Variants in KLF3 observed in about 807,000 individuals in gnomAD.
KLF3 encodes the protein KLF transcription factor 3.
KLF3 carries 6 observed loss-of-function variants against 32.7 expected under a neutral mutation model. That is an observed-to-expected ratio of 0.18 (90% confidence interval 0.10 to 0.36). The LOEUF is 0.36. KLF3 is among the 10% of genes least tolerant of loss of function. The probability of loss-of-function intolerance (pLI) is 1.00; values close to 1 mark genes in which losing one functional copy is unlikely to be tolerated. For synonymous variants in KLF3, 145 were observed against 172.8 expected, an observed-to-expected ratio of 0.84 and a Z score of 1.26; for missense variants, 338 against 449.7, an observed-to-expected ratio of 0.75 and a Z score of 2.25.
Position 38,697,193 on chromosome 4 carries a change from C to G in KLF3, c.968C>G (p.Pro323Arg), listed in dbSNP as rs766351747. The change falls in exon 6 of 6, where the codon CCG (proline) becomes CGG (arginine). Residue 323 changes from proline to arginine, a missense_variant. Transcript: ENST00000261438. ...ACTGGAATCAAACCTTTCCAGTGCC[C>G]GGACTGTGACCGCAGCTTCTCCCGT... ...KHTGIKPFQC[P>R]DCDRSFSRSD... is the part of the protein sequence containing the mutation. 1.2e-6 allele frequency: 2 copies of G among 1,613,938 alleles called. No homozygotes were observed. The highest frequency in any genetic ancestry group is 1.3e-5 in the African/African-American group (1 of 74,884).
intron 3 of KLF3, 78 bp from the exon 4 acceptor site, chr4:38,689,651 A>T: frequency 1.0e-6 from 1 of 990,378 alleles, no homozygotes; most frequent in Non-Finnish European, 1.5e-6. Context: ...TGTTGTAGGT[A>T]GGAGCTATGC....
chr4:38,690,943 CATA>C lies in KLF3; in HGVS notation c.695+1065_695+1067del, dbSNP rs565810906. On this transcript the variant is annotated intron_variant, in intron 4 of 5. Coordinates refer to ENST00000261438, the MANE Select transcript of KLF3 (RefSeq NM_016531.6). ...GGATTAATTGTCCACTGCACCCAAT[CATA>C]GTCATTTTTGGTTTGGGTTGTCATA... 1.8e-3 allele frequency among the ~76,000 whole-genome samples: 268 copies of C among 152,242 alleles called. 1 individual carries two copies. The highest frequency in any genetic ancestry group is 6.2e-3 in the African/African-American group (256 of 41,534).
intron 5 of KLF3, among the ~76,000 whole-genome samples, chr4:38,696,656 G>C (rs1723053369): frequency 6.6e-6 from 1 of 152,082 alleles, no homozygotes; most frequent in Non-Finnish European, 1.5e-5. Flanking sequence ...TCATATTTTT[G>C]GAAAACTATT....
intron 1 of KLF3, among the ~76,000 whole-genome samples, chr4:38,673,730 C>T (rs1427114960): frequency 6.6e-6 from 1 of 152,066 alleles, no homozygotes; most frequent in Admixed American, 6.5e-5. Context: ...TGTCAGGCTT[C>T]TGCTTGGTTG....
At chr4:38,691,864 A>G (rs1373703345) in intron 4 of KLF3, among the ~76,000 whole-genome samples, 1 of 152,220 alleles carries the variant, frequency 6.6e-6, no homozygotes. Flanking sequence ...CCAGGAAAGA[A>G]TCACTTGAAA....
At chr4:38,681,866 G>A (rs932370150) in intron 2 of KLF3, among the ~76,000 whole-genome samples, 1 of 152,164 alleles carries the variant, frequency 6.6e-6, no homozygotes, top group African/African-American at 2.4e-5. Context: ...TACAAGACAC[G>A]GGGGTCACGC....
intron 4 of KLF3, among the ~76,000 whole-genome samples, chr4:38,693,996 G>C (rs1466104930): frequency 6.6e-6 from 1 of 152,156 alleles, no homozygotes; most frequent in Non-Finnish European, 1.5e-5. Flanking sequence ...CATGCCATGG[G>C]GGAGCCGGCA....
chr4:38,693,013 C>T (rs1334219229), intron 4 of KLF3, among the ~76,000 whole-genome samples: 2 of 149,472 alleles, frequency 1.3e-5, no homozygotes, highest in African/African-American at 4.9e-5. Flanking sequence ...AAAACTCTGT[C>T]TGTAAACCTC....
In KLF3 at chr4:38,701,165, A is replaced by G. The variant is rs755774246; in HGVS notation, c.*3902A>G. 2.0e-5 allele frequency: 3 copies of G among 152,228 alleles called. No individual in the cohort carries two copies. Among genetic ancestry groups the G allele is most frequent in the Non-Finnish European group, 2.9e-5 (2 of 68,042 alleles). The allele number at this position is 152,228 out of a possible 1,614,324, so 9.4% of individuals were successfully genotyped here. A position where few individuals can be genotyped will look rare whatever the true frequency, so the allele number is the denominator to read the frequency against. On this transcript the variant is annotated 3_prime_UTR_variant, in exon 6 of 6. Coordinates refer to ENST00000261438, the MANE Select transcript of KLF3 (RefSeq NM_016531.6). ...CAGTTATTGTTGATGGAGGGACAGA[A>G]AAATAGATCTAACTGGAAGATGAAC...
Position 38,694,762 on chromosome 4 carries a change from A to G in KLF3, c.712A>G (p.Ile238Val). The G allele has an allele frequency of 1.9e-6, 3 of 1,572,492 alleles. No homozygotes were observed. The highest frequency in any genetic ancestry group is 2.6e-6 in the Non-Finnish European group (3 of 1,166,492). The change falls in exon 5 of 6, where the codon ATC (isoleucine) becomes GTC (valine). Residue 238 changes from isoleucine (I) to valine (V), a missense_variant. Around this residue, in one of 2 missense-constraint regions of KLF3, gnomAD observed 272 missense variants for 313.4 expected, o/e 0.87. Coordinates refer to ENST00000261438, the MANE Select transcript of KLF3 (RefSeq NM_016531.6). ...CTTTCACAGGAATCACCCTTCGGTC[A>G]TCGTGCAGCCTGGGAAGAGACCTTT... is the stretch of plus-strand genomic sequence containing the variant. Reference protein sequence around the residue: ...ALLQENHPSVIVQPGKRPLPV... With the variant: ...ALLQENHPSVVVQPGKRPLPV...
chr4:38,667,378 C>T (rs1354458805), intron 1 of KLF3, among the ~76,000 whole-genome samples: 1 of 152,184 alleles, frequency 6.6e-6, no homozygotes, highest in Non-Finnish European at 1.5e-5. Context: ...AGGCTGAGGT[C>T]CCTGCCCCTA....
intron 2 of KLF3, among the ~76,000 whole-genome samples, chr4:38,686,993 C>G (rs1369192591): frequency 7.0e-6 from 1 of 143,266 alleles, no homozygotes; most frequent in East Asian, 1.9e-4. Flanking sequence ...GTAGGAATCC[C>G]TATCAAAACC....
In KLF3 at chr4:38,700,176, TAGC is replaced by T. The variant is rs1187135658; in HGVS notation, c.*2918_*2920del. ...AAATTGCTTGGTTTGGAGAATGTGT[TAGC>T]AGCATAGCTATATTCAACTAGGGAG... On this transcript the variant is annotated 3_prime_UTR_variant, in exon 6 of 6. Transcript: ENST00000261438. 6.6e-6 allele frequency: 1 copy of T among 152,200 alleles called. No individual in the cohort carries two copies. Among genetic ancestry groups the T allele is most frequent in the Non-Finnish European group, 1.5e-5 (1 of 68,024 alleles). The allele number at this position is 152,200 out of a possible 1,614,324, so 9.4% of individuals were successfully genotyped here. A position where few individuals can be genotyped will look rare whatever the true frequency, so the allele number is the denominator to read the frequency against.
rs1447173648 is a variant in KLF3 at position 38,694,878 on chromosome 4, C to T, written c.828C>T (p.His276=). 2 of 1,605,546 alleles carry T rather than the reference C, an allele frequency of 1.2e-6. No individual in the cohort carries two copies. Among genetic ancestry groups the T allele is most frequent in the Non-Finnish European group, 1.7e-6 (2 of 1,177,120 alleles). The stretch of plus-strand genomic sequence containing the variant: ...ACAAAGTGTACACTAAAAGCTCCCA[C>T]TTGAAAGCACACAGAAGAACACACA... ...GCNKVYTKSS[H]LKAHRRTHTG... is the part of the protein sequence containing the mutation. The change falls in exon 5 of 6, where the codon CAC becomes CAT. Residue 276 remains histidine, a synonymous_variant. Transcript: ENST00000261438.
At chr4:38,665,730 A>T (rs967950926) in intron 1 of KLF3, among the ~76,000 whole-genome samples, 1 of 152,238 alleles carries the variant, frequency 6.6e-6, no homozygotes, top group African/African-American at 2.4e-5. Flanking sequence ...GAAATGTGCC[A>T]GCAAAATCAA....
rs1297543314 is a variant in KLF3, at chr4:38,697,931, CAGT to C, written c.*669_*671del. 6.6e-6 allele frequency: 1 copy of C among 152,198 alleles called. No individual in the cohort carries two copies. The highest frequency in any genetic ancestry group is 1.5e-5 in the Non-Finnish European group (1 of 68,066). The allele number at this position is 152,198 out of a possible 1,614,324, so 9.4% of individuals were successfully genotyped here. A position where few individuals can be genotyped will look rare whatever the true frequency, so the allele number is the denominator to read the frequency against. Reference sequence around the variant, plus strand: ...TTCGATCTAGGTGGGTGATGTGTAGCAGTTCAAGGGAAGGGTGCTGTGTTTTCA... The same window carrying C: ...TTCGATCTAGGTGGGTGATGTGTAGCTCAAGGGAAGGGTGCTGTGTTTTCA... On this transcript the variant is annotated 3_prime_UTR_variant, in exon 6 of 6. Coordinates refer to ENST00000261438, the MANE Select transcript of KLF3 (RefSeq NM_016531.6).
chr4:38,683,079 C>T (rs938685825), intron 2 of KLF3, among the ~76,000 whole-genome samples: 2 of 152,238 alleles, frequency 1.3e-5, no homozygotes, highest in East Asian at 3.9e-4. Flanking sequence ...GTTCAAATTT[C>T]GTCTTTCCTG....
At chr4:38,679,690 ATGGTGCAGAACCATACT>A (rs1203932676) in intron 1 of KLF3, among the ~76,000 whole-genome samples, 5 of 152,328 alleles carry the variant, frequency 3.3e-5, no homozygotes, top group African/African-American at 9.6e-5. Flanking sequence ...GGGGGATTTG[ATGGTGCAGAACCATACT>A]TGGTGCAGAA....
chr4:38,684,058 CTT>C (rs887983940), intron 2 of KLF3, among the ~76,000 whole-genome samples: 17 of 152,140 alleles, frequency 1.1e-4, no homozygotes, highest in African/African-American at 3.9e-4. Context: ...TGGACATTCA[CTT>C]TTTTTCATGT....
Sources: allele counts gnomAD v4.1 joint callset (sites outside exome capture counted in the v4.1 genomes callset), GRCh38; gene constraint gnomAD v4.1.1; regional missense constraint gnomAD v4.1.1; transcripts MANE v1.5; gene names NCBI Gene and HGNC (gene_info 2026-07-23, HGNC 2026-07-21).